Variants in FBXL4 observed in about 807,000 individuals in gnomAD.
FBXL4 encodes the protein F-box/LRR-repeat protein 4.
A neutral mutation model predicts 58.9 loss-of-function variants in FBXL4; 40 were observed. The ratio of observed to expected loss-of-function variants is 0.68; its 90% CI spans 0.53 to 0.88. The LOEUF (loss-of-function observed/expected upper bound fraction) is 0.88, where lower values mean the gene tolerates loss of function less well. Ranked by LOEUF, FBXL4 falls within the 40% of genes least tolerant of loss-of-function variation. The probability of loss-of-function intolerance (pLI) is 0.00; values close to 1 mark genes in which losing one functional copy is unlikely to be tolerated. For synonymous variants in FBXL4, 263 were observed against 265.5 expected (o/e 0.99, Z 0.09); for missense variants, 676 against 734.4 (o/e 0.92, Z 0.92).
intron 5 of FBXL4, among the ~76,000 whole-genome samples, chr6:98,906,094 C>T (rs945597157): frequency 4.6e-5 from 7 of 150,940 alleles, no homozygotes; most frequent in Non-Finnish European, 1.5e-5. Context: ...CAAAAAGATA[C>T]ACAGAATGCT....
In FBXL4 at chr6:98,942,708, C is replaced by G. The variant is rs568012310; in HGVS notation, c.-309+5098G>C. On this transcript the variant is annotated intron_variant, in intron 1 of 9. Coordinates refer to ENST00000369244, the MANE Select transcript of FBXL4 (RefSeq NM_001278716.2). Reference sequence around the variant, plus strand: ...TAAACCTCTTTACTTTATAAATTACCCAGTCTCAGGTATTTCTTTATAGCA... The same window carrying G: ...TAAACCTCTTTACTTTATAAATTACGCAGTCTCAGGTATTTCTTTATAGCA... Among the ~76,000 whole-genome samples, 4 of 152,108 alleles carry G rather than the reference C, an allele frequency of 2.6e-5. No homozygotes were observed. The East Asian group carries it at 7.7e-4, about 29-fold the overall frequency.
At chr6:98,926,337 C>T in intron 4 of FBXL4, 140 bp downstream of exon 4, 2 of 779,886 alleles carry the variant, frequency 2.6e-6, no homozygotes, top group Non-Finnish European at 4.0e-6. Context: ...CTCTCTTCCC[C>T]ATCAGAAAAC....
intron 1 of FBXL4, among the ~76,000 whole-genome samples, chr6:98,939,983 C>T (rs1457308700): frequency 6.6e-6 from 1 of 152,208 alleles, no homozygotes; most frequent in Non-Finnish European, 1.5e-5. Context: ...GTATGTACCA[C>T]AGCTAATTTT....
At chr6:98,893,904 G>A (rs1430530167) in intron 7 of FBXL4, among the ~76,000 whole-genome samples, 1 of 152,024 alleles carries the variant, frequency 6.6e-6, no homozygotes, top group Non-Finnish European at 1.5e-5. Flanking sequence ...TTGAGACAGG[G>A]TCTTGCTCTG....
At position 98,889,388 on chromosome 6, in the gene FBXL4, TACTACAATG is replaced by T. The variant is rs537219212; in HGVS notation, c.1318-8773_1318-8765del. Among the ~76,000 whole-genome samples the T allele has an allele frequency of 4.0e-3, 603 of 152,230 alleles. 4 individuals are homozygous for T. The highest frequency in any genetic ancestry group is 5.7e-3 in the Non-Finnish European group (385 of 68,018). On this transcript the variant is annotated intron_variant, in intron 7 of 9. Transcript: ENST00000369244. ...TAGTGAAGCTTCCAAATACTCAGAC[TACTACAATG>T]ACTACAATGACTACTGCTAAGAAAA...
chr6:98,917,403 T>A lies in FBXL4; in HGVS notation c.829A>T (p.Asn277Tyr). ...SSAVLGEGPN[N>Y]GYFDKLPYEL... ...TAAGGTAGTTTATCAAAATACCCAT[T>A]ATTTGGCCCTTCCCCGAGGACAGCA... Residue 277 changes from asparagine (N) to tyrosine (Y), a missense_variant, in exon 5 of 10, where the codon AAT becomes TAT. Coordinates refer to ENST00000369244, the MANE Select transcript of FBXL4 (RefSeq NM_001278716.2). 1 of 1,610,664 alleles carries A rather than the reference T, an allele frequency of 6.2e-7. No homozygotes were observed. The highest frequency in any genetic ancestry group is 8.5e-7 in the Non-Finnish European group (1 of 1,178,328).
chr6:98,917,643 G>C lies in FBXL4; in HGVS notation c.589C>G (p.Gln197Glu), dbSNP rs1330107724. Residue 197 changes from glutamine (Q) to glutamate (E), a missense_variant, in exon 5 of 10, where the codon CAG becomes GAG. Gln to Glu is a conservative substitution (Grantham distance 29). Transcript: ENST00000369244. ...ATAAGATTTGTGGGGAAATTTATCT[G>C]CTTAATACAAGGTTTAAACTGGCGA... ...QARQFKPCIKQINFPTNLIRL... is the reference protein window; with the variant it reads ...QARQFKPCIKEINFPTNLIRL... 1.9e-6 allele frequency: 3 copies of C among 1,613,792 alleles called. No homozygotes were observed. The East Asian group carries it at 6.7e-5, about 36-fold the overall frequency.
intron 4 of FBXL4, among the ~76,000 whole-genome samples, chr6:98,918,696 T>G (rs1488848603): frequency 6.6e-6 from 1 of 152,094 alleles, no homozygotes; most frequent in East Asian, 1.9e-4. Flanking sequence ...TCTCTATTCC[T>G]AATTATTTAC....
rs1270131311 is a variant in FBXL4, at chr6:98,870,377, T to C, written c.*3901A>G. On this transcript the variant is annotated 3_prime_UTR_variant, in exon 10 of 10. Transcript: ENST00000369244. ...TAACACAGTAGTATTTTGTAACACA[T>C]CAAAATTATGTAAAATTCAACTTTC... The C allele has an allele frequency of 2.0e-5, 3 of 152,242 alleles. No individual in the cohort carries two copies. The highest frequency in any genetic ancestry group is 6.5e-5 in the Admixed American group (1 of 15,286). 9.4% of individuals were successfully genotyped at this position (152,242 alleles called of 1,614,324 possible).
rs1397044032 is a variant in FBXL4 at position 98,874,077 on chromosome 6, T to G, written c.*201A>C. ...GTAAAAATAATATCCACTCATATTC[T>G]TGAAGAGAAGTGCTTGCAGTATTTT... is the stretch of plus-strand genomic sequence containing the variant. On this transcript the variant is annotated 3_prime_UTR_variant, in exon 10 of 10. Coordinates refer to ENST00000369244, the MANE Select transcript of FBXL4 (RefSeq NM_001278716.2). 3 of 435,720 alleles carry G rather than the reference T, an allele frequency of 6.9e-6. No homozygotes were observed. The highest frequency in any genetic ancestry group is 1.2e-5 in the Non-Finnish European group (3 of 249,742). The allele number at this position is 435,720 out of a possible 1,614,324, so 27.0% of individuals were successfully genotyped here. A position where few individuals can be genotyped will look rare whatever the true frequency, so the allele number is the denominator to read the frequency against.
chr6:98,898,283 C>G, intron 7 of FBXL4: 1 of 985,160 alleles, frequency 1.0e-6, no homozygotes, highest in Non-Finnish European at 1.2e-6. Context: ...AATATGCATG[C>G]AGCAGAGGGA....
At position 98,936,076 on chromosome 6, in the gene FBXL4, C is replaced by A. The variant is rs117594638; in HGVS notation, c.-308-1197G>T. Among the ~76,000 whole-genome samples the A allele has an allele frequency of 2.0e-4, 30 of 152,302 alleles. 1 individual carries two copies. In the East Asian group the frequency reaches 5.2e-3, roughly 26 times the overall value. ...CCTAGAAAAAAATATAGTGGATTTA[C>A]ACCCTGCCAAACAAAAATCCAAGGA... is the stretch of plus-strand genomic sequence containing the variant. On this transcript the variant is annotated intron_variant, in intron 1 of 9. Transcript: ENST00000369244.
chr6:98,911,036 TGGCTCGG>T (rs1313362700), intron 5 of FBXL4, among the ~76,000 whole-genome samples: 1 of 63,364 alleles, frequency 1.6e-5, no homozygotes, highest in African/African-American at 6.4e-5. Context: ...ATCCCGCACC[TGGCTCGG>T]AGGGTCCTAC....
chr6:98,918,409 T>A (rs902142205), intron 4 of FBXL4, among the ~76,000 whole-genome samples: 5 of 152,162 alleles, frequency 3.3e-5, no homozygotes. Context: ...TGCAATAAAC[T>A]TATTTCCACC....
chr6:98,928,464 G>A (rs565482894), intron 2 of FBXL4, among the ~76,000 whole-genome samples: 1 of 151,982 alleles, frequency 6.6e-6, no homozygotes, highest in Non-Finnish European at 1.5e-5. Flanking sequence ...GAGTAGCTGG[G>A]ACTACAGGCA....
intron 7 of FBXL4, among the ~76,000 whole-genome samples, chr6:98,885,130 A>G (rs1029750225): frequency 6.6e-6 from 1 of 152,144 alleles, no homozygotes; most frequent in Admixed American, 6.5e-5. Flanking sequence ...TTTGAGATGG[A>G]GTCTCACTCT....
intron 7 of FBXL4, chr6:98,896,917 C>T (rs1220037800): frequency 3.0e-6 from 3 of 984,458 alleles, no homozygotes; most frequent in Non-Finnish European, 3.6e-6. Flanking sequence ...TCATATCTAT[C>T]AGTCTGAAAC....
intron 6 of FBXL4, among the ~76,000 whole-genome samples, chr6:98,903,318 G>A (rs886719761): frequency 5.9e-5 from 9 of 152,020 alleles, no homozygotes; most frequent in Admixed American, 5.2e-4. Context: ...GTAATCAGTA[G>A]GCAAAACTCC....
At chr6:98,879,433 A>C (rs1478690546) in intron 8 of FBXL4, among the ~76,000 whole-genome samples, 1 of 152,202 alleles carries the variant, frequency 6.6e-6, no homozygotes, top group African/African-American at 2.4e-5. Flanking sequence ...GTATGTGTGC[A>C]CACAAACACA....
Sources: allele counts gnomAD v4.1 joint callset (sites outside exome capture counted in the v4.1 genomes callset), GRCh38; gene constraint gnomAD v4.1.1; transcripts MANE v1.5; gene names NCBI Gene and HGNC (gene_info 2026-07-23, HGNC 2026-07-21).